The following CADM2 variants were observed in gnomAD, a reference collection of about 807,000 sequenced individuals.
CADM2 encodes the protein cell adhesion molecule 2.
A neutral mutation model predicts 49.8 loss-of-function variants in CADM2; 12 were observed. That is an observed-to-expected ratio of 0.24 (90% CI 0.15 to 0.39). The LOEUF is 0.39. Ranked by LOEUF, CADM2 falls within the 10% of genes least tolerant of loss-of-function variation. The pLI is 1.00. For missense variants in CADM2, 378 were observed against 492.3 expected (o/e 0.77, Z 2.20); for synonymous variants, 214 against 175.4 (o/e 1.22, Z -1.74).
At chr3:84,976,963 TAAC>T (rs1428252201) in intron 1 of CADM2, among the ~76,000 whole-genome samples, 3 of 151,866 alleles carry the variant, frequency 2.0e-5, no homozygotes. Context: ...ATAGACTAAA[TAAC>T]AACAAATTCA....
intron 1 of CADM2, among the ~76,000 whole-genome samples, chr3:85,354,618 CAG>C (rs139421347): frequency 2.3e-5 from 3 of 130,244 alleles, no homozygotes; most frequent in African/African-American, 5.6e-5. Context: ...GAATACCTAA[CAG>C]AGAGAGAGAG....
chr3:85,575,508 ACCACTGCACT>A (rs2062605740), intron 1 of CADM2, among the ~76,000 whole-genome samples: 1 of 152,152 alleles, frequency 6.6e-6, no homozygotes, highest in South Asian at 2.1e-4. Context: ...CCGAGATGGC[ACCACTGCACT>A]CCAGCCTGGG....
chr3:85,370,284 G>A (rs932636264), intron 1 of CADM2, among the ~76,000 whole-genome samples: 10 of 149,972 alleles, frequency 6.7e-5, no homozygotes, highest in African/African-American at 2.4e-4. Flanking sequence ...ACTTGGTGTG[G>A]TGGCGGGGGC....
chr3:85,953,787 C>T (rs1414627077), intron 7 of CADM2, among the ~76,000 whole-genome samples: 1 of 148,244 alleles, frequency 6.7e-6, no homozygotes, highest in Non-Finnish European at 1.5e-5. Flanking sequence ...TAATTTCATG[C>T]ATTTATCAAG....
At chr3:85,906,468 A>T (rs1215278080) in intron 5 of CADM2, among the ~76,000 whole-genome samples, 1 of 152,136 alleles carries the variant, frequency 6.6e-6, no homozygotes, top group South Asian at 2.1e-4. Flanking sequence ...TATTAAGAAG[A>T]GCTGAATTTC....
intron 5 of CADM2, among the ~76,000 whole-genome samples, chr3:85,894,866 G>C (rs933099748): frequency 6.6e-6 from 1 of 152,224 alleles, no homozygotes; most frequent in Non-Finnish European, 1.5e-5. Flanking sequence ...CTCAAGAATT[G>C]AGATTCTGGA....
intron 1 of CADM2, among the ~76,000 whole-genome samples, chr3:85,553,626 C>T (rs1237932524): frequency 6.6e-6 from 1 of 152,096 alleles, no homozygotes; most frequent in African/African-American, 2.4e-5. Flanking sequence ...GTACATAAGA[C>T]TCCAGGAAGA....
chr3:86,007,763 G>A (rs1268010495), intron 8 of CADM2, among the ~76,000 whole-genome samples: 1 of 152,122 alleles, frequency 6.6e-6, no homozygotes, highest in Non-Finnish European at 1.5e-5. Context: ...ACATTACTAT[G>A]GAGTTTCTGG....
chr3:85,597,880 A>ACCATCTTTTAG (rs1290487838), intron 1 of CADM2, among the ~76,000 whole-genome samples: 3 of 152,082 alleles, frequency 2.0e-5, no homozygotes, highest in Non-Finnish European at 4.4e-5. Flanking sequence ...ATTGGTTAAA[A>ACCATCTTTTAG]CCATCTTTTA....
intron 1 of CADM2, among the ~76,000 whole-genome samples, chr3:85,596,350 A>T (rs1386762772): frequency 6.6e-6 from 1 of 152,030 alleles, no homozygotes; most frequent in Non-Finnish European, 1.5e-5. Context: ...AAAATGTTAT[A>T]GTTTTTAAAT....
intron 3 of CADM2, among the ~76,000 whole-genome samples, chr3:85,832,450 A>G (rs2074225099): frequency 1.3e-5 from 2 of 152,078 alleles, no homozygotes; most frequent in Admixed American, 1.3e-4. Flanking sequence ...ATTCATGAGC[A>G]TGGGATGCTT....
chr3:85,802,336 A>G (rs1260791707), intron 3 of CADM2, 140 bp downstream of exon 3: 1 of 724,324 alleles, frequency 1.4e-6, no homozygotes, highest in Non-Finnish European at 2.1e-6. Context: ...GTTAAATATT[A>G]AATACTTTAG....
chr3:85,439,380 T>C (rs1446431209), intron 1 of CADM2, among the ~76,000 whole-genome samples: 1 of 151,990 alleles, frequency 6.6e-6, no homozygotes, highest in East Asian at 1.9e-4. Context: ...CTCGGACTCC[T>C]GACCTCAGCT....
chr3:85,149,385 G>A (rs1024716647), intron 1 of CADM2, among the ~76,000 whole-genome samples: 1 of 151,978 alleles, frequency 6.6e-6, no homozygotes, highest in African/African-American at 2.4e-5. Flanking sequence ...CCAGTCTTAG[G>A]TATGCTTTTA....
chr3:85,202,446 G>A (rs1264498225), intron 1 of CADM2, among the ~76,000 whole-genome samples: 1 of 152,114 alleles, frequency 6.6e-6, no homozygotes, highest in Non-Finnish European at 1.5e-5. Context: ...CTCCATCAGA[G>A]GTCTTAGGTG....
intron 1 of CADM2, among the ~76,000 whole-genome samples, chr3:85,523,687 T>G (rs973387682): frequency 6.6e-6 from 1 of 152,022 alleles, no homozygotes; most frequent in Non-Finnish European, 1.5e-5. Flanking sequence ...AGGAAACTGA[T>G]TTTATTATCT....
chr3:85,743,127 A>G (rs556794150), intron 2 of CADM2, among the ~76,000 whole-genome samples: 4 of 152,282 alleles, frequency 2.6e-5, no homozygotes, highest in African/African-American at 9.6e-5. Context: ...TTTCAGCTTG[A>G]AAAGGTTCTA....
intron 1 of CADM2, among the ~76,000 whole-genome samples, chr3:85,182,662 G>A (rs113022729): frequency 2.0e-5 from 3 of 152,042 alleles, no homozygotes; most frequent in African/African-American, 7.2e-5. Context: ...AGCTAACATC[G>A]GGGAAACTGG....
intron 1 of CADM2, among the ~76,000 whole-genome samples, chr3:85,201,107 G>T (rs888874777): frequency 6.6e-6 from 1 of 152,076 alleles, no homozygotes; most frequent in Non-Finnish European, 1.5e-5. Flanking sequence ...ATTTTCCAAT[G>T]ATTGATTCTG....
Sources: gnomAD v4.1 joint callset for allele counts (sites outside exome capture counted in the v4.1 genomes callset) on GRCh38, gnomAD v4.1.1 for gene constraint, MANE v1.5 for transcripts, NCBI Gene and HGNC (gene_info 2026-07-23, HGNC 2026-07-21) for gene names.